The following LHFPL3 variants were observed in gnomAD, a reference collection of about 807,000 sequenced individuals.
LHFPL3 encodes LHFPL tetraspan subfamily member 3 protein.
Under a neutral mutation model 19.3 loss-of-function variants are expected in LHFPL3, and 5 were observed. The observed-to-expected ratio is 0.26, with a 90% CI of 0.14 to 0.54. The LOEUF (loss-of-function observed/expected upper bound fraction) is 0.54. Among genes scored for constraint, LHFPL3 ranks in the 20% least tolerant of loss-of-function variants. The pLI, the probability that LHFPL3 is intolerant of heterozygous loss-of-function variation, is 0.94. For missense variants in LHFPL3, 249 were observed against 307.4 expected (o/e 0.81, Z 1.42); for synonymous variants, 133 against 126.2 (o/e 1.05, Z -0.36).
chr7:104,708,673 A>G (rs1793235747), intron 1 of LHFPL3, among the ~76,000 whole-genome samples: 1 of 152,178 alleles, frequency 6.6e-6, no homozygotes, highest in South Asian at 2.1e-4. Context: ...TCATACACAT[A>G]GACTCTTTAC....
At chr7:104,587,253 A>G (rs1462811081) in intron 1 of LHFPL3, among the ~76,000 whole-genome samples, 1 of 152,126 alleles carries the variant, frequency 6.6e-6, no homozygotes, top group East Asian at 1.9e-4. Context: ...GTATCTCCTA[A>G]TGCTATCCCT....
intron 2 of LHFPL3, among the ~76,000 whole-genome samples, chr7:104,894,375 G>C (rs905274447): frequency 1.3e-5 from 2 of 152,118 alleles, no homozygotes; most frequent in Admixed American, 1.3e-4. Context: ...CCAAGTCAAG[G>C]GTCTTGCAGG....
At chr7:104,376,262 T>C (rs1233038705) in intron 1 of LHFPL3, among the ~76,000 whole-genome samples, 1 of 152,230 alleles carries the variant, frequency 6.6e-6, no homozygotes, top group African/African-American at 2.4e-5. Flanking sequence ...CTGGGGAGTA[T>C]AGTGGTCAAC....
chr7:104,331,646 G>A (rs1801569005), intron 1 of LHFPL3, among the ~76,000 whole-genome samples: 1 of 152,116 alleles, frequency 6.6e-6, no homozygotes, highest in Admixed American at 6.5e-5. Flanking sequence ...ACTATTGTAA[G>A]TTACTTTGAA....
At chr7:104,435,473 A>C (rs1792084783) in intron 1 of LHFPL3, among the ~76,000 whole-genome samples, 2 of 151,272 alleles carry the variant, frequency 1.3e-5, no homozygotes, top group East Asian at 1.9e-4. Flanking sequence ...TTATTTTATA[A>C]ATTTTTTTAT....
At chr7:104,731,068 T>C (rs558655844) in intron 1 of LHFPL3, among the ~76,000 whole-genome samples, 2 of 152,334 alleles carry the variant, frequency 1.3e-5, no homozygotes, top group East Asian at 3.9e-4. Flanking sequence ...ATGTGTGGTA[T>C]TATTTCTGAG....
chr7:104,690,924 G>C (rs1792895173), intron 1 of LHFPL3, among the ~76,000 whole-genome samples: 1 of 152,240 alleles, frequency 6.6e-6, no homozygotes, highest in Non-Finnish European at 1.5e-5. Context: ...AATGGTGCTT[G>C]AGGTGTCAGT....
chr7:104,540,876 C>A (rs774192023), intron 1 of LHFPL3, among the ~76,000 whole-genome samples: 2 of 152,132 alleles, frequency 1.3e-5, no homozygotes, highest in African/African-American at 2.4e-5. Context: ...ATCCCCACTT[C>A]CACTACTTTA....
At chr7:104,614,610 T>TCTCTTCTCTC (rs1282448288) in intron 1 of LHFPL3, among the ~76,000 whole-genome samples, 4 of 127,364 alleles carry the variant, frequency 3.1e-5, no homozygotes, top group Non-Finnish European at 1.7e-5. Context: ...TCTCTTCTCT[T>TCTCTTCTCTC]CTCTTCTCTT....
intron 1 of LHFPL3, among the ~76,000 whole-genome samples, chr7:104,492,505 G>A (rs553636571): frequency 6.6e-6 from 1 of 152,214 alleles, no homozygotes; most frequent in South Asian, 2.1e-4. Context: ...TTAAACAATA[G>A]CCCAGGCTTT....
At chr7:104,346,524 A>C (rs1377708790) in intron 1 of LHFPL3, among the ~76,000 whole-genome samples, 1 of 152,108 alleles carries the variant, frequency 6.6e-6, no homozygotes, top group Non-Finnish European at 1.5e-5. Flanking sequence ...GATGCATGCA[A>C]AGTAATTGTA....
chr7:104,886,509 C>A lies in LHFPL3; in HGVS notation c.683-19678C>A, dbSNP rs12111933. 9.2e-3 allele frequency among the ~76,000 whole-genome samples: 1,406 copies of A among 152,204 alleles called. 14 individuals are homozygous for A. The highest frequency in any genetic ancestry group is 0.032 in the African/African-American group (1,311 of 41,508). On this transcript the variant is annotated intron_variant, in intron 2 of 2. Transcript: ENST00000424859. ...CCTCCCGAGTAGTTGGGATTACAGG[C>A]GCCCACCACCACACCTGGCTAATTT...
rs1220906752 is a variant in LHFPL3, at chr7:104,414,454, C to T, written c.445+85230C>T. ...AGAAGCCTCAGTATTCTGAGCAACA[C>T]GTGATTGCGCCCAGATCTGAGGATG... On this transcript the variant is annotated intron_variant, in intron 1 of 2. Transcript: ENST00000424859. Among the ~76,000 whole-genome samples the T allele has an allele frequency of 2.0e-5, 3 of 152,134 alleles. No homozygotes were observed. In the South Asian group the frequency reaches 6.2e-4, roughly 31 times the overall value.
chr7:104,534,520 C>T (rs1794359391), intron 1 of LHFPL3, among the ~76,000 whole-genome samples: 1 of 152,222 alleles, frequency 6.6e-6, no homozygotes. Context: ...TAGACCACTG[C>T]ATGATGACAG....
At chr7:104,813,673 G>C (rs557674657) in intron 2 of LHFPL3, among the ~76,000 whole-genome samples, 1 of 152,342 alleles carries the variant, frequency 6.6e-6, no homozygotes, top group African/African-American at 2.4e-5. Flanking sequence ...GCAACTCCAG[G>C]TTCCAGCACA....
At chr7:104,732,594 A>G (rs1026901583) in intron 1 of LHFPL3, among the ~76,000 whole-genome samples, 3 of 151,634 alleles carry the variant, frequency 2.0e-5, no homozygotes, top group Non-Finnish European at 2.9e-5. Flanking sequence ...TTTCTATTGC[A>G]TCTATTTGAT....
chr7:104,651,944 C>T (rs1281707283), intron 1 of LHFPL3, among the ~76,000 whole-genome samples: 1 of 152,156 alleles, frequency 6.6e-6, no homozygotes, highest in Non-Finnish European at 1.5e-5. Context: ...TTTTCTGACC[C>T]ATAATATATG....
intron 1 of LHFPL3, among the ~76,000 whole-genome samples, chr7:104,582,962 T>A (rs555193157): frequency 6.6e-6 from 1 of 152,152 alleles, no homozygotes; most frequent in East Asian, 1.9e-4. Context: ...GATGAGGTTT[T>A]AAAATGCTAT....
rs543266193 is a variant in LHFPL3 at position 104,718,801 on chromosome 7, G to A, written c.446-17874G>A. ...TCAATAATCTGGACCCAGGCTCCCT[G>A]TTTTACAAATAAAGTAACTATGGCA... On this transcript the variant is annotated intron_variant, in intron 1 of 2. Coordinates refer to ENST00000424859, the MANE Select transcript of LHFPL3 (RefSeq NM_199000.3). Among the ~76,000 whole-genome samples, 39 of 152,192 alleles carry A rather than the reference G, an allele frequency of 2.6e-4. No homozygotes were observed. In the Middle Eastern group the frequency reaches 0.017, roughly 66 times the overall value.
Sources: allele counts gnomAD v4.1 joint callset (sites outside exome capture counted in the v4.1 genomes callset), GRCh38; gene constraint gnomAD v4.1.1; transcripts MANE v1.5; gene names NCBI Gene and HGNC (gene_info 2026-07-23, HGNC 2026-07-21).